The following RALGPS1 variants were observed in gnomAD, a reference collection of about 807,000 sequenced individuals.
The protein encoded by RALGPS1 is Ral GEF with PH domain and SH3 binding motif 1.
Under a neutral mutation model 78.8 loss-of-function variants are expected in RALGPS1, and 19 were observed. The ratio of observed to expected loss-of-function variants is 0.24; its 90% CI spans 0.17 to 0.35. RALGPS1 has a LOEUF of 0.35. RALGPS1 is among the 10% of genes least tolerant of loss of function. The probability of loss-of-function intolerance (pLI) is 1.00; values close to 1 mark genes in which losing one functional copy is unlikely to be tolerated. For missense variants in RALGPS1, 454 were observed against 688.3 expected, an observed-to-expected ratio of 0.66 and a Z score of 3.81; for synonymous variants, 228 against 256.3, an observed-to-expected ratio of 0.89 and a Z score of 1.06.
chr9:126,948,955 A>T (rs894126925), intron 1 of RALGPS1, among the ~76,000 whole-genome samples: 1 of 151,826 alleles, frequency 6.6e-6, no homozygotes, highest in African/African-American at 2.4e-5. Flanking sequence ...TCCTAATGCT[A>T]TCCCTCCCCC....
intron 11 of RALGPS1, among the ~76,000 whole-genome samples, chr9:127,181,220 C>A (rs1370057964): frequency 2.0e-5 from 3 of 152,228 alleles, no homozygotes; most frequent in Non-Finnish European, 1.5e-5. Flanking sequence ...CTCAGCTGTT[C>A]CACAGGAGGG....
intron 4 of RALGPS1, among the ~76,000 whole-genome samples, chr9:126,998,755 C>T (rs2043008605): frequency 6.6e-6 from 1 of 151,994 alleles, no homozygotes; most frequent in Non-Finnish European, 1.5e-5. Flanking sequence ...ATAGCGAAGA[C>T]TTGGAACCAA....
At chr9:127,192,043 C>T (rs2061091912) in intron 11 of RALGPS1, among the ~76,000 whole-genome samples, 1 of 152,202 alleles carries the variant, frequency 6.6e-6, no homozygotes, top group South Asian at 2.1e-4. Flanking sequence ...TCAGGAAGAA[C>T]TTTGAACACC....
chr9:127,196,245 G>A (rs547511517), intron 12 of RALGPS1, among the ~76,000 whole-genome samples: 21 of 152,212 alleles, frequency 1.4e-4, no homozygotes, highest in Admixed American at 2.6e-4. Context: ...GATGGGCAGG[G>A]CAAGTATCGT....
intron 8 of RALGPS1, among the ~76,000 whole-genome samples, chr9:127,127,489 C>T (rs990684107): frequency 4.6e-5 from 7 of 152,128 alleles, no homozygotes; most frequent in Non-Finnish European, 2.9e-5. Context: ...GGTTGGTTGT[C>T]CTTCATCCAG....
At chr9:127,152,568 G>C (rs1020931721) in intron 8 of RALGPS1, among the ~76,000 whole-genome samples, 2 of 152,222 alleles carry the variant, frequency 1.3e-5, no homozygotes, top group Admixed American at 6.5e-5. Context: ...TGTGTCTTGG[G>C]AAAAGCCCCA....
rs1460786566 is a variant in RALGPS1, at chr9:127,212,845, G to A, written c.1447-99G>A. 7.0e-6 allele frequency: 11 copies of A among 1,576,148 alleles called. No homozygotes were observed. The highest frequency in any genetic ancestry group is 4.5e-5 in the South Asian group (4 of 88,192). On this transcript the variant is annotated intron_variant, in intron 16 of 18. Transcript: ENST00000259351. This position sits in a 1 kb window ranked among gnomAD's most constrained non-coding sequence, Gnocchi z 6.0. ...CTGCGGAGGATGCAGGTGGGAAGGC[G>A]GCAGGGGAGGGAGGAAGCCTTGCCT...
intron 1 of RALGPS1, among the ~76,000 whole-genome samples, chr9:126,926,053 C>T (rs1368872719): frequency 1.3e-5 from 2 of 152,218 alleles, no homozygotes; most frequent in East Asian, 1.9e-4. Flanking sequence ...GTTGCTGACT[C>T]ATTTTTCATA....
At chr9:127,075,547 G>A (rs1047431313) in intron 8 of RALGPS1, among the ~76,000 whole-genome samples, 3 of 152,198 alleles carry the variant, frequency 2.0e-5, no homozygotes, top group Admixed American at 6.5e-5. Flanking sequence ...TATTTAAAGA[G>A]GAATAGTTAT....
chr9:127,142,952 A>G (rs1393996404), intron 8 of RALGPS1, among the ~76,000 whole-genome samples: 3 of 152,202 alleles, frequency 2.0e-5, no homozygotes, highest in Non-Finnish European at 4.4e-5. Flanking sequence ...ACAATGATTA[A>G]TCTTTTTTGA....
intron 11 of RALGPS1, among the ~76,000 whole-genome samples, chr9:127,190,888 A>C (rs894467837): frequency 6.6e-6 from 1 of 152,212 alleles, no homozygotes; most frequent in Non-Finnish European, 1.5e-5. Context: ...CCTTCTGCCA[A>C]TGCAATACAT....
At chr9:127,176,660 C>G (rs906157040) in intron 11 of RALGPS1, among the ~76,000 whole-genome samples, 4 of 152,214 alleles carry the variant, frequency 2.6e-5, no homozygotes, top group African/African-American at 9.7e-5. Flanking sequence ...CATCCCTGGA[C>G]TTCTTTAAAT....
rs112710046 is a variant in RALGPS1 at position 127,110,545 on chromosome 9, C to T, written c.610+41189C>T. 2.6e-5 allele frequency among the ~76,000 whole-genome samples: 4 copies of T among 152,336 alleles called. 1 individual carries two copies. The highest frequency in any genetic ancestry group is 9.6e-5 in the African/African-American group (4 of 41,560). On this transcript the variant is annotated intron_variant, in intron 8 of 18. Coordinates refer to ENST00000259351, the MANE Select transcript of RALGPS1 (RefSeq NM_014636.3). Reference sequence around the variant, plus strand: ...CCGCATTTATTTCTGGAACTCTCCCCAGGACTCTAGACTCATACATACAGC... The same window carrying T: ...CCGCATTTATTTCTGGAACTCTCCCTAGGACTCTAGACTCATACATACAGC...
intron 8 of RALGPS1, among the ~76,000 whole-genome samples, chr9:127,101,100 CAACCCCA>C (rs1413652496): frequency 6.6e-6 from 1 of 152,220 alleles, no homozygotes; most frequent in African/African-American, 2.4e-5. Context: ...AAGCTTTCCC[CAACCCCA>C]GGAAAGCTAC....
At chr9:127,118,241 GT>G (rs1202957327) in intron 8 of RALGPS1, among the ~76,000 whole-genome samples, 1 of 152,100 alleles carries the variant, frequency 6.6e-6, no homozygotes, top group African/African-American at 2.4e-5. Context: ...ACAGGCCATC[GT>G]AACGTTGTAA....
intron 1 of RALGPS1, among the ~76,000 whole-genome samples, chr9:126,961,530 G>A (rs532945050): frequency 3.9e-5 from 6 of 152,304 alleles, no homozygotes; most frequent in South Asian, 2.1e-4. Flanking sequence ...AAGGCTGGAT[G>A]CGGTGGCTCA....
At chr9:126,920,019 A>C (rs879277555) in intron 1 of RALGPS1, among the ~76,000 whole-genome samples, 4 of 151,978 alleles carry the variant, frequency 2.6e-5, no homozygotes, top group Admixed American at 2.6e-4. Flanking sequence ...TACTCCCTTG[A>C]CTTTCATTCT....
intron 8 of RALGPS1, among the ~76,000 whole-genome samples, chr9:127,125,721 AC>A (rs1159927708): frequency 3.3e-5 from 5 of 152,060 alleles, no homozygotes; most frequent in African/African-American, 1.2e-4. Context: ...CCACATTTCC[AC>A]TTGTCTGTCA....
Position 127,212,727 on chromosome 9 carries a change from C to T in RALGPS1, c.1446+8C>T, listed in dbSNP as rs1385899067. 92 of 1,602,020 alleles carry T rather than the reference C, an allele frequency of 5.7e-5. No individual in the cohort carries two copies. Among genetic ancestry groups the T allele is most frequent in the Non-Finnish European group, 7.8e-5 (91 of 1,169,558 alleles). On this transcript the variant is annotated splice_region_variant and intron_variant, in intron 16 of 18. Coordinates refer to ENST00000259351, the MANE Select transcript of RALGPS1 (RefSeq NM_014636.3). The surrounding 1 kb of genome is among the most constrained non-coding windows in gnomAD (Gnocchi z 6.0). ...GGCACAGACAGAAAACACGTAAGTC[C>T]CTTGAAAGGACTCTAGTGCTGGGAC...
Sources: gnomAD v4.1 joint callset for allele counts (sites outside exome capture counted in the v4.1 genomes callset) on GRCh38, gnomAD v4.1.1 for gene constraint, Gnocchi (gnomAD v3.1) non-coding constraint, MANE v1.5 for transcripts, NCBI Gene and HGNC (gene_info 2026-07-23, HGNC 2026-07-21) for gene names.